The following NTM variants were observed in gnomAD, a reference collection of about 807,000 sequenced individuals.
NTM encodes the protein neurotrimin.
NTM carries 13 observed loss-of-function variants against 42.1 expected under a neutral mutation model. The observed-to-expected ratio is 0.31, with a 90% confidence interval of 0.20 to 0.49. The LOEUF (loss-of-function observed/expected upper bound fraction) is 0.49. NTM is among the 20% of genes least tolerant of loss of function. The probability of loss-of-function intolerance (pLI) is 0.99; values close to 1 mark genes in which losing one functional copy is unlikely to be tolerated. For synonymous variants in NTM, 187 were observed against 179.2 expected (o/e 1.04, Z -0.35); for missense variants, 373 against 452.8 (o/e 0.82, Z 1.60).
intron 1 of NTM, among the ~76,000 whole-genome samples, chr11:131,527,204 G>A (rs1457440942): frequency 1.3e-5 from 2 of 152,148 alleles, no homozygotes; most frequent in Non-Finnish European, 2.9e-5. Context: ...AATGGCTAAG[G>A]CTCCTGTCCT....
At chr11:131,908,366 C>T (rs1285846640) in intron 1 of NTM, among the ~76,000 whole-genome samples, 1 of 152,190 alleles carries the variant, frequency 6.6e-6, no homozygotes, top group Non-Finnish European at 1.5e-5. Context: ...ATGTAGGCCC[C>T]TCGGGAAAGC....
intron 1 of NTM, among the ~76,000 whole-genome samples, chr11:131,638,156 G>GA (rs1279016382): frequency 2.6e-5 from 4 of 152,056 alleles, no homozygotes; most frequent in Admixed American, 6.6e-5. Flanking sequence ...CCAATCACAG[G>GA]AAAAATGTAC....
intron 1 of NTM, among the ~76,000 whole-genome samples, chr11:131,529,257 C>T (rs1021118824): frequency 2.6e-5 from 4 of 152,210 alleles, no homozygotes; most frequent in South Asian, 2.1e-4. Context: ...AGGGTATTTA[C>T]GAAGCTCTTA....
At chr11:131,510,730 C>A (rs1051672347) in intron 1 of NTM, among the ~76,000 whole-genome samples, 1 of 152,216 alleles carries the variant, frequency 6.6e-6, no homozygotes, top group South Asian at 2.1e-4. Flanking sequence ...TCATCCTGTG[C>A]CCATCTCTTT....
chr11:132,153,809 G>C (rs1317513617), intron 3 of NTM, among the ~76,000 whole-genome samples: 1 of 152,172 alleles, frequency 6.6e-6, no homozygotes, highest in African/African-American at 2.4e-5. Context: ...CTGTCCAGCA[G>C]AGGAGACCAC....
intron 4 of NTM, among the ~76,000 whole-genome samples, chr11:132,213,758 G>C (rs1383407802): frequency 2.2e-5 from 1 of 45,208 alleles, no homozygotes; most frequent in Non-Finnish European, 5.2e-5. Flanking sequence ...TTTTTGAGAC[G>C]GAGTCTCGCT....
At chr11:131,854,716 C>A (rs11825059) in intron 1 of NTM, among the ~76,000 whole-genome samples, 9,325 of 152,128 alleles carry the variant, frequency 0.061, 960 homozygotes, top group African/African-American at 0.21. Flanking sequence ...GAAGACTTTG[C>A]AGGTTTTGAA....
intron 1 of NTM, among the ~76,000 whole-genome samples, chr11:131,905,407 T>C (rs1251586357): frequency 6.6e-6 from 1 of 152,154 alleles, no homozygotes; most frequent in Non-Finnish European, 1.5e-5. Flanking sequence ...ATCCTTAGTT[T>C]GTATGAGCAC....
At chr11:132,317,418 C>G (rs1316172507) in intron 7 of NTM, among the ~76,000 whole-genome samples, 1 of 152,120 alleles carries the variant, frequency 6.6e-6, no homozygotes, top group East Asian at 1.9e-4. Context: ...TATGGCGTAA[C>G]CAGCTCCCTG....
intron 1 of NTM, among the ~76,000 whole-genome samples, chr11:131,403,680 A>G (rs1455472298): frequency 6.6e-6 from 1 of 152,160 alleles, no homozygotes; most frequent in Admixed American, 6.5e-5. Context: ...TCTAATTCGT[A>G]TCTTCTCCCC....
intron 2 of NTM, among the ~76,000 whole-genome samples, chr11:132,117,237 AAG>A (rs1461299385): frequency 6.6e-6 from 1 of 152,234 alleles, no homozygotes; most frequent in Non-Finnish European, 1.5e-5. Flanking sequence ...CACGAAGACA[AAG>A]AGAGTGTTTG....
At chr11:132,248,326 C>CCT (rs1249601444) in intron 4 of NTM, among the ~76,000 whole-genome samples, 1 of 152,076 alleles carries the variant, frequency 6.6e-6, no homozygotes, top group African/African-American at 2.4e-5. Context: ...GCTCTGTCTT[C>CCT]CTCTCTCTCT....
At chr11:131,575,924 G>T (rs560875340) in intron 1 of NTM, among the ~76,000 whole-genome samples, 14 of 152,338 alleles carry the variant, frequency 9.2e-5, no homozygotes, top group African/African-American at 3.4e-4. Context: ...AAAAGGAGCA[G>T]AAGTGCAATG....
At position 131,470,627 on chromosome 11, in the gene NTM, A is replaced by G. The variant is rs538939207; in HGVS notation, c.82+99739A>G. ...AATGGGGACCAGCACAAGTTGCCCC[A>G]AAGGCTCCCCGAGTTACTTCGAGGC... On this transcript the variant is annotated intron_variant, in intron 1 of 8. Transcript: ENST00000683400. 1.1e-4 allele frequency among the ~76,000 whole-genome samples: 16 copies of G among 152,298 alleles called. No individual in the cohort carries two copies. In the East Asian group the frequency reaches 1.6e-3, roughly 15 times the overall value.
At chr11:131,865,238 A>G (rs1459029785) in intron 1 of NTM, among the ~76,000 whole-genome samples, 1 of 152,256 alleles carries the variant, frequency 6.6e-6, no homozygotes, top group African/African-American at 2.4e-5. Flanking sequence ...GCAAAAGCCA[A>G]CACTCAAGCC....
rs537213892 is a variant in NTM at position 132,329,715 on chromosome 11, G to GCAAT, written c.935-434_935-431dup. On this transcript the variant is annotated intron_variant, in intron 7 of 8. Transcript: ENST00000683400. ...ATGCTGTAGTATAAATCCATATGTA[G>GCAAT]CAATCAACTTTATACGTAAGACCTA... Among the ~76,000 whole-genome samples, 21 of 152,326 alleles carry GCAAT rather than the reference G, an allele frequency of 1.4e-4. No individual in the cohort carries two copies. In the South Asian group the frequency reaches 4.1e-3, roughly 30 times the overall value.
intron 1 of NTM, among the ~76,000 whole-genome samples, chr11:131,839,610 G>A (rs916104392): frequency 6.6e-6 from 1 of 152,184 alleles, no homozygotes; most frequent in Non-Finnish European, 1.5e-5. Flanking sequence ...GAGACTTATA[G>A]GTCACCATAA....
rs185158694 is a variant in NTM, at chr11:131,961,573, G to A, written c.167+49925G>A. 6.8e-4 allele frequency among the ~76,000 whole-genome samples: 104 copies of A among 152,334 alleles called. 1 individual carries two copies. Among genetic ancestry groups the A allele is most frequent in the Admixed American group, 9.8e-4 (15 of 15,306 alleles). ...TTGGTCTGATGAAAGGTGAAGCATT[G>A]CTAGACTGAAGATACTCTGGAAGGC... On this transcript the variant is annotated intron_variant, in intron 2 of 8. Coordinates refer to ENST00000683400, the MANE Select transcript of NTM (RefSeq NM_001352005.2).
At chr11:132,239,276 A>G (rs2089721270) in intron 4 of NTM, among the ~76,000 whole-genome samples, 2 of 152,262 alleles carry the variant, frequency 1.3e-5, no homozygotes, top group Non-Finnish European at 2.9e-5. Flanking sequence ...AGAGAAATAA[A>G]TACATTTTCT....
Sources: allele counts gnomAD v4.1 joint callset (sites outside exome capture counted in the v4.1 genomes callset), GRCh38; gene constraint gnomAD v4.1.1; transcripts MANE v1.5; gene names NCBI Gene and HGNC (gene_info 2026-07-23, HGNC 2026-07-21).